CADPS2: variants seen among roughly 807,000 people sequenced by gnomAD.
CADPS2 encodes calcium dependent secretion activator 2.
In CADPS2, 93 loss-of-function variants were observed where a neutral mutation model predicts 172.5. The observed-to-expected ratio is 0.54, with a 90% CI of 0.46 to 0.64. CADPS2 has a LOEUF of 0.64. CADPS2 is among the 30% of genes least tolerant of loss of function. The probability of loss-of-function intolerance (pLI) is 0.00; values close to 1 mark genes in which losing one functional copy is unlikely to be tolerated. For synonymous variants in CADPS2, 546 were observed against 555.2 expected, an observed-to-expected ratio of 0.98 and a Z score of 0.23; for missense variants, 1,420 against 1,565.9, an observed-to-expected ratio of 0.91 and a Z score of 1.57.
chr7:122,772,437 A>T (rs1562977797), intron 1 of CADPS2, among the ~76,000 whole-genome samples: 1 of 152,204 alleles, frequency 6.6e-6, no homozygotes, highest in African/African-American at 2.4e-5. Context: ...CCAAAATTTT[A>T]AAATGCCACT....
intron 1 of CADPS2, among the ~76,000 whole-genome samples, chr7:122,873,273 C>T (rs1382507040): frequency 1.3e-5 from 2 of 152,060 alleles, no homozygotes; most frequent in Non-Finnish European, 2.9e-5. Flanking sequence ...GTTTCCTGCA[C>T]CACTATGTCA....
chr7:122,688,623 C>A (rs369460980), intron 2 of CADPS2, among the ~76,000 whole-genome samples: 31 of 152,184 alleles, frequency 2.0e-4, no homozygotes, highest in African/African-American at 7.0e-4. Flanking sequence ...TCTCCCTTGC[C>A]TTCAGGGTCA....
chr7:122,531,630 A>G (rs1270095691), intron 8 of CADPS2, among the ~76,000 whole-genome samples: 1 of 152,198 alleles, frequency 6.6e-6, no homozygotes, highest in Non-Finnish European at 1.5e-5. Flanking sequence ...AATGGAGATA[A>G]CGATTGGTTT....
chr7:122,655,327 T>G (rs576493840), intron 3 of CADPS2, among the ~76,000 whole-genome samples: 1 of 152,148 alleles, frequency 6.6e-6, no homozygotes, highest in African/African-American at 2.4e-5. Flanking sequence ...AAATCTTTTG[T>G]GAAAAGAAGA....
chr7:122,881,530 A>G (rs959606058), intron 1 of CADPS2, among the ~76,000 whole-genome samples: 1 of 152,194 alleles, frequency 6.6e-6, no homozygotes, highest in African/African-American at 2.4e-5. Flanking sequence ...CCCTATAATT[A>G]AAAGCAGCAA....
chr7:122,757,927 T>A (rs547276161), intron 1 of CADPS2, among the ~76,000 whole-genome samples: 1 of 152,024 alleles, frequency 6.6e-6, no homozygotes, highest in South Asian at 2.1e-4. Flanking sequence ...AAAACTAACA[T>A]CAACAGAGGC....
intron 29 of CADPS2, among the ~76,000 whole-genome samples, chr7:122,322,698 A>G (rs536121023): frequency 3.9e-3 from 600 of 152,328 alleles, no homozygotes; most frequent in Middle Eastern, 0.01. Context: ...AAACTTTGCA[A>G]ATAATTTCAG....
chr7:122,596,923 G>A (rs996676297), intron 6 of CADPS2, among the ~76,000 whole-genome samples: 2 of 152,094 alleles, frequency 1.3e-5, no homozygotes, highest in Non-Finnish European at 2.9e-5. Flanking sequence ...AAGACTGGGT[G>A]TCCAGTGAGG....
At chr7:122,445,425 T>G (rs1339411901) in intron 15 of CADPS2, among the ~76,000 whole-genome samples, 2 of 152,142 alleles carry the variant, frequency 1.3e-5, no homozygotes, top group Non-Finnish European at 2.9e-5. Context: ...TTTCATCAGG[T>G]TGATCCCAAA....
intron 15 of CADPS2, among the ~76,000 whole-genome samples, chr7:122,442,441 G>C (rs954029780): frequency 2.0e-5 from 3 of 152,124 alleles, no homozygotes; most frequent in Non-Finnish European, 2.9e-5. Context: ...GCTGTACTTA[G>C]GATGGCACCT....
rs557460947 is a variant in CADPS2, at chr7:122,786,357, G to T, written c.340-49289C>A. Among the ~76,000 whole-genome samples, 7 of 152,270 alleles carry T rather than the reference G, an allele frequency of 4.6e-5. No homozygotes were observed. In the East Asian group the frequency reaches 1.4e-3, roughly 29 times the overall value. ...AGTCAAGACACTGGGATAAAGGACT[G>T]ATCAGATAATGTCTGGAGCAAATCA... is the stretch of plus-strand genomic sequence containing the variant. On this transcript the variant is annotated intron_variant, in intron 1 of 29. Transcript: ENST00000449022.
intron 8 of CADPS2, among the ~76,000 whole-genome samples, chr7:122,554,150 A>G (rs1018830176): frequency 6.6e-6 from 1 of 151,684 alleles, no homozygotes; most frequent in Non-Finnish European, 1.5e-5. Flanking sequence ...TTACATCTAC[A>G]CTATGTTTTA....
intron 3 of CADPS2, among the ~76,000 whole-genome samples, chr7:122,646,910 A>AG (rs2078623471): frequency 2.0e-5 from 3 of 152,184 alleles, no homozygotes; most frequent in Admixed American, 2.0e-4. Flanking sequence ...CAAGAGTAGC[A>AG]GATAATGTAG....
chr7:122,565,284 G>A (rs2066311415), intron 7 of CADPS2, among the ~76,000 whole-genome samples: 1 of 151,706 alleles, frequency 6.6e-6, no homozygotes, highest in Admixed American at 6.6e-5. Flanking sequence ...AAACTAGTCA[G>A]TAGTCACTTA....
chr7:122,544,966 C>T (rs1166878261), intron 8 of CADPS2, among the ~76,000 whole-genome samples: 1 of 152,064 alleles, frequency 6.6e-6, no homozygotes, highest in Non-Finnish European at 1.5e-5. Flanking sequence ...AGGTCCTAGA[C>T]AGCCAGAAAA....
intron 3 of CADPS2, among the ~76,000 whole-genome samples, chr7:122,645,658 G>GATATATATATATATATATATATAT (rs71161314): frequency 1.9e-5 from 2 of 106,656 alleles, no homozygotes; most frequent in Non-Finnish European, 3.7e-5. Flanking sequence ...ATATCTCTAA[G>GATATATATATATATATATATATAT]ATATATATAT....
chr7:122,868,906 A>C (rs1819000459), intron 1 of CADPS2, among the ~76,000 whole-genome samples: 1 of 152,204 alleles, frequency 6.6e-6, no homozygotes, highest in Admixed American at 6.5e-5. Context: ...ATAATAACTG[A>C]GCTCAAAAAT....
At chr7:122,676,478 A>G (rs1013906779) in intron 2 of CADPS2, 1 of 392,324 alleles carries the variant, frequency 2.5e-6, no homozygotes, top group Non-Finnish European at 4.5e-6. Context: ...AGGACATTTT[A>G]TATACCAGGC....
intron 3 of CADPS2, among the ~76,000 whole-genome samples, chr7:122,640,654 G>T (rs538458621): frequency 3.3e-5 from 5 of 152,070 alleles, no homozygotes; most frequent in Non-Finnish European, 7.4e-5. Context: ...ATTGTTGGCT[G>T]GGCGCGGTGG....
Sources: allele counts gnomAD v4.1 joint callset (sites outside exome capture counted in the v4.1 genomes callset), GRCh38; gene constraint gnomAD v4.1.1; transcripts MANE v1.5; gene names NCBI Gene and HGNC (gene_info 2026-07-23, HGNC 2026-07-21).